OPCML: variants seen among roughly 807,000 people sequenced by gnomAD.
OPCML encodes the protein opioid binding protein/cell adhesion molecule like, also known as opioid-binding protein/cell adhesion molecule.
Under a neutral mutation model 37.8 loss-of-function variants are expected in OPCML, and 13 were observed. The observed-to-expected ratio is 0.34, with a 90% confidence interval of 0.22 to 0.55. OPCML has a LOEUF of 0.55. OPCML is among the 20% of genes least tolerant of loss of function. OPCML has a pLI of 0.91. For synonymous variants in OPCML, 176 were observed against 168.8 expected (o/e 1.04, Z -0.33); for missense variants, 341 against 435.6 (o/e 0.78, Z 1.93).
At chr11:133,434,583 G>A (rs1946192218) in intron 1 of OPCML, among the ~76,000 whole-genome samples, 1 of 151,920 alleles carries the variant, frequency 6.6e-6, no homozygotes, top group Non-Finnish European at 1.5e-5. Context: ...GCTTGTGAGA[G>A]CAGCTGGGAA....
At chr11:133,268,232 C>T (rs1185257130) in intron 1 of OPCML, among the ~76,000 whole-genome samples, 1 of 152,184 alleles carries the variant, frequency 6.6e-6, no homozygotes, top group African/African-American at 2.4e-5. Flanking sequence ...ATTTAGAAAT[C>T]CAGTCACCAA....
At chr11:132,447,264 T>C (rs1033081545) in intron 4 of OPCML, among the ~76,000 whole-genome samples, 18 of 152,200 alleles carry the variant, frequency 1.2e-4, no homozygotes, top group Non-Finnish European at 1.5e-5. Flanking sequence ...TAGGTTTTCC[T>C]GGGATAGTGC....
chr11:132,892,244 C>G (rs1391301233), intron 2 of OPCML, among the ~76,000 whole-genome samples: 1 of 152,022 alleles, frequency 6.6e-6, no homozygotes, highest in Non-Finnish European at 1.5e-5. Context: ...GACTTCTCCC[C>G]TAGAAAATTA....
intron 1 of OPCML, among the ~76,000 whole-genome samples, chr11:133,191,849 G>C (rs959348771): frequency 1.3e-5 from 2 of 152,062 alleles, no homozygotes; most frequent in Non-Finnish European, 2.9e-5. Flanking sequence ...ACTTCCATTT[G>C]TGTGTTGCAT....
chr11:132,508,816 T>A, intron 4 of OPCML, among the ~76,000 whole-genome samples: 1 of 152,158 alleles, frequency 6.6e-6, no homozygotes, highest in Non-Finnish European at 1.5e-5. Context: ...TTCTTCCCAG[T>A]CTTGGGTATG....
At chr11:133,193,678 C>T (rs1938417031) in intron 1 of OPCML, among the ~76,000 whole-genome samples, 1 of 152,110 alleles carries the variant, frequency 6.6e-6, no homozygotes, top group South Asian at 2.1e-4. Context: ...CCACTGACAG[C>T]ACTCAATAAA....
At chr11:132,980,354 T>G (rs1176630707) in intron 1 of OPCML, among the ~76,000 whole-genome samples, 1 of 152,244 alleles carries the variant, frequency 6.6e-6, no homozygotes, top group Non-Finnish European at 1.5e-5. Context: ...AAAGAAGAAT[T>G]TAAGTTTGGC....
intron 2 of OPCML, among the ~76,000 whole-genome samples, chr11:132,731,609 C>G (rs914529936): frequency 6.6e-6 from 1 of 152,156 alleles, no homozygotes; most frequent in African/African-American, 2.4e-5. Context: ...TATGGGTCTT[C>G]ATGTTAGGCT....
At chr11:132,476,184 T>C (rs1565594423) in intron 4 of OPCML, among the ~76,000 whole-genome samples, 1 of 152,186 alleles carries the variant, frequency 6.6e-6, no homozygotes, top group African/African-American at 2.4e-5. Context: ...ATCATATAGC[T>C]TTTCTCAGCA....
At chr11:132,945,723 G>A (rs1189227805) in intron 1 of OPCML, among the ~76,000 whole-genome samples, 2 of 150,464 alleles carry the variant, frequency 1.3e-5, no homozygotes, top group South Asian at 2.1e-4. Flanking sequence ...ACACAAACAC[G>A]TTGTACAGTT....
chr11:133,141,311 A>G (rs183587399), intron 1 of OPCML, among the ~76,000 whole-genome samples: 2 of 151,872 alleles, frequency 1.3e-5, no homozygotes, highest in East Asian at 3.9e-4. Flanking sequence ...GAGTTCACAC[A>G]TTGTTTTTTC....
In OPCML at chr11:132,418,409, G is replaced by T. The variant is rs942576760; in HGVS notation, c.*1784C>A. The stretch of plus-strand genomic sequence containing the variant: ...AGACAGCAAAGGTGGCTCAGCTCTT[G>T]TTTGTATGCTGGGTCTGCTTTGAAC... On this transcript the variant is annotated 3_prime_UTR_variant, in exon 8 of 8. Transcript: ENST00000524381. 3.9e-5 allele frequency: 6 copies of T among 152,610 alleles called. No individual in the cohort carries two copies. The highest frequency in any genetic ancestry group is 3.3e-4 in the Admixed American group (5 of 15,300). 9.5% of individuals were successfully genotyped at this position (152,610 alleles called of 1,614,324 possible). A position where few individuals can be genotyped will look rare whatever the true frequency, so the allele number is the denominator to read the frequency against.
chr11:133,298,409 T>C (rs879624050), intron 1 of OPCML: 1 of 152,120 alleles, frequency 6.6e-6, no homozygotes, highest in Non-Finnish European at 1.5e-5. Flanking sequence ...AATAAATATG[T>C]TCAAGTAAAG....
At chr11:132,444,951 A>C (rs976971055) in intron 4 of OPCML, among the ~76,000 whole-genome samples, 1 of 152,196 alleles carries the variant, frequency 6.6e-6, no homozygotes, top group Non-Finnish European at 1.5e-5. Context: ...CAAGCAATTG[A>C]ATTGTGCTAA....
At chr11:133,464,779 C>T (rs1025028321) in intron 1 of OPCML, among the ~76,000 whole-genome samples, 28 of 152,170 alleles carry the variant, frequency 1.8e-4, no homozygotes, top group Admixed American at 1.2e-3. Flanking sequence ...GTAACAGTGA[C>T]GTAACCTAAG....
intron 1 of OPCML, chr11:133,365,376 G>A (rs1190994689): frequency 6.6e-6 from 1 of 152,558 alleles, no homozygotes; most frequent in East Asian, 1.9e-4. Context: ...TCTGACGAAG[G>A]ACTGTTTCTG....
chr11:132,542,735 A>G (rs1591528763), intron 3 of OPCML, among the ~76,000 whole-genome samples: 1 of 152,258 alleles, frequency 6.6e-6, no homozygotes, highest in African/African-American at 2.4e-5. Flanking sequence ...GGGTGTCTCA[A>G]CTGAGCTGGC....
At chr11:132,654,211 G>A (rs951868675) in intron 3 of OPCML, among the ~76,000 whole-genome samples, 1 of 152,180 alleles carries the variant, frequency 6.6e-6, no homozygotes, top group African/African-American at 2.4e-5. Context: ...GAAAGAGCAA[G>A]TCACTGGATC....
At chr11:133,405,976 C>T (rs557681441) in intron 1 of OPCML, among the ~76,000 whole-genome samples, 1 of 152,250 alleles carries the variant, frequency 6.6e-6, no homozygotes, top group South Asian at 2.1e-4. Flanking sequence ...CCCAGCTCTC[C>T]CTTCAGTTTG....
Sources: allele counts gnomAD v4.1 joint callset (sites outside exome capture counted in the v4.1 genomes callset), GRCh38; gene constraint gnomAD v4.1.1; transcripts MANE v1.5; gene names NCBI Gene and HGNC (gene_info 2026-07-23, HGNC 2026-07-21).